Variants in UNC79 observed in about 807,000 individuals in gnomAD.
UNC79 encodes the protein unc-79 subunit of NALCN channel complex, also known as protein unc-79 homolog.
A neutral mutation model predicts 283.1 loss-of-function variants in UNC79; 37 were observed. That is an observed-to-expected ratio of 0.13 (90% CI 0.10 to 0.17). The LOEUF is 0.17. UNC79 is among the 10% of genes least tolerant of loss of function. The pLI is 1.00. For missense variants in UNC79, 2,272 were observed against 3,211.1 expected (o/e 0.71, Z 7.07); for synonymous variants, 1,107 against 1,200.2 (o/e 0.92, Z 1.61).
chr14:93,477,361 T>C (rs1279088008), intron 3 of UNC79, among the ~76,000 whole-genome samples, 197 bp from the exon 4 acceptor site: 3 of 152,242 alleles, frequency 2.0e-5, no homozygotes, highest in Non-Finnish European at 4.4e-5. Flanking sequence ...TCTTAACATA[T>C]TCATTCATCA....
At chr14:93,487,521 G>T (rs548517202) in intron 4 of UNC79, 142 bp from the exon 5 acceptor site, 6 of 595,064 alleles carry the variant, frequency 1.0e-5, no homozygotes, top group African/African-American at 5.6e-5. Context: ...ACATTTTGTG[G>T]TTTCATTTGT....
chr14:93,347,737 C>T (rs2053891053), intron 1 of UNC79, among the ~76,000 whole-genome samples: 1 of 152,084 alleles, frequency 6.6e-6, no homozygotes, highest in Non-Finnish European at 1.5e-5. Flanking sequence ...CTCGGACGTC[C>T]TCGGCACTGC....
intron 40 of UNC79, among the ~76,000 whole-genome samples, chr14:93,671,324 A>G (rs1174064580): frequency 6.6e-6 from 1 of 152,200 alleles, no homozygotes; most frequent in African/African-American, 2.4e-5. Context: ...AATAGTGGCC[A>G]CTTCAAAGAA....
Position 93,655,224 on chromosome 14 carries a change from G to T in UNC79, c.6283-10G>T. 6.2e-7 allele frequency: 1 copy of T among 1,613,140 alleles called. No homozygotes were observed. Among genetic ancestry groups the T allele is most frequent in the Non-Finnish European group, 8.5e-7 (1 of 1,179,472 alleles). On this transcript the variant is annotated splice_polypyrimidine_tract_variant and intron_variant, in intron 37 of 48. Transcript: ENST00000555664. ...TCAGCAGTTGATGGCCTATGCTTTT[G>T]TGTTTTTAGGGTCTAAATAACAAAA...
At chr14:93,347,186 G>A (rs1268757765) in intron 1 of UNC79, 1 of 1,466,664 alleles carries the variant, frequency 6.8e-7, no homozygotes, top group Non-Finnish European at 9.1e-7. Flanking sequence ...CAAACCAGCT[G>A]CCTCACGAGC....
At chr14:93,466,394 A>T (rs2057183926) in intron 1 of UNC79, among the ~76,000 whole-genome samples, 1 of 152,228 alleles carries the variant, frequency 6.6e-6, no homozygotes, top group Non-Finnish European at 1.5e-5. Context: ...TCAGAGTCAT[A>T]TTCTAGAGTG....
rs2296685 is a variant in UNC79, at chr14:93,634,726, G to T, written c.5717-2490G>T. 0.016 allele frequency: 19,037 copies of T among 1,227,860 alleles called. 1,635 individuals are homozygous for T. The East Asian group carries it at 0.26, about 17-fold the overall frequency. 76.1% of individuals were successfully genotyped at this position (1,227,860 alleles called of 1,614,324 possible). On this transcript the variant is annotated intron_variant, in intron 31 of 48. Coordinates refer to ENST00000555664, the Ensembl canonical transcript of UNC79. The stretch of plus-strand genomic sequence containing the variant: ...CACTCTGCTCCCTTGTTAAAGAATA[G>T]ATTTTCTCTCATGTTCTTTGGTTCA...
intron 22 of UNC79, among the ~76,000 whole-genome samples, chr14:93,587,246 A>G (rs1170266812): frequency 6.6e-6 from 1 of 152,180 alleles, no homozygotes; most frequent in African/African-American, 2.4e-5. Context: ...TTAAGTAAGG[A>G]CTTACCTACC....
intron 3 of UNC79, among the ~76,000 whole-genome samples, chr14:93,476,934 C>T (rs117980846): frequency 1.6e-4 from 25 of 152,320 alleles, no homozygotes; most frequent in Non-Finnish European, 2.8e-4. Context: ...ATTAAAACCT[C>T]CTAACAATCC....
At chr14:93,557,792 C>T (rs943269829) in intron 14 of UNC79, among the ~76,000 whole-genome samples, 2 of 152,188 alleles carry the variant, frequency 1.3e-5, no homozygotes, top group African/African-American at 4.8e-5. Flanking sequence ...ATGGGCAAAG[C>T]CTTAGCCACA....
At chr14:93,483,855 C>T (rs1029995784) in intron 4 of UNC79, among the ~76,000 whole-genome samples, 3 of 152,178 alleles carry the variant, frequency 2.0e-5, no homozygotes, top group Admixed American at 6.5e-5. Flanking sequence ...TATGTCCCTA[C>T]AAAGGGCATG....
In UNC79 at chr14:93,704,157, C is replaced by A. The variant is rs554891700; in HGVS notation, c.7549-468C>A. Among the ~76,000 whole-genome samples the A allele has an allele frequency of 4.6e-5, 7 of 152,342 alleles. 1 individual carries two copies. The highest frequency in any genetic ancestry group is 1.4e-4 in the African/African-American group (6 of 41,582). On this transcript the variant is annotated intron_variant, in intron 47 of 48. Coordinates refer to ENST00000555664, the Ensembl canonical transcript of UNC79. ...TCTCGCTGTATTACACCTTCCAGATCGCAGCCAGGCATCTTGGAGTGGTCT... is the reference window on the plus strand; with the variant it reads ...TCTCGCTGTATTACACCTTCCAGATAGCAGCCAGGCATCTTGGAGTGGTCT...
At chr14:93,683,176 A>G (rs2073974591) in intron 42 of UNC79, among the ~76,000 whole-genome samples, 1 of 152,038 alleles carries the variant, frequency 6.6e-6, no homozygotes, top group South Asian at 2.1e-4. Flanking sequence ...ACAAGGTTCT[A>G]TGAGACAAAA....
At chr14:93,511,328 C>T (rs1344232790) in intron 7 of UNC79, among the ~76,000 whole-genome samples, 1 of 152,168 alleles carries the variant, frequency 6.6e-6, no homozygotes, top group East Asian at 1.9e-4. Context: ...AATATTTCAC[C>T]ATTAAGCATG....
chr14:93,515,262 A>ATG (rs1461097021), intron 7 of UNC79, among the ~76,000 whole-genome samples: 1 of 46,368 alleles, frequency 2.2e-5, no homozygotes, highest in East Asian at 4.4e-4. Flanking sequence ...GTCCATATGT[A>ATG]TATGTGTGTG....
Position 93,566,691 on chromosome 14 carries a change from G to C in UNC79, c.1756-5203G>C, listed in dbSNP as rs183104702. ...TCTTGCTCTGTTGCCAGGCAGGAGTGCAGTGGCATGATCTCGGCTCACTGC... is the reference window on the plus strand; with the variant it reads ...TCTTGCTCTGTTGCCAGGCAGGAGTCCAGTGGCATGATCTCGGCTCACTGC... On this transcript the variant is annotated intron_variant, in intron 14 of 48. Transcript: ENST00000555664. Among the ~76,000 whole-genome samples the C allele has an allele frequency of 3.4e-3, 512 of 148,746 alleles. 3 individuals are homozygous for C. The highest frequency in any genetic ancestry group is 0.012 in the African/African-American group (487 of 40,328).
chr14:93,648,161 C>T (rs541234852), intron 35 of UNC79, among the ~76,000 whole-genome samples: 1 of 152,282 alleles, frequency 6.6e-6, no homozygotes, highest in South Asian at 2.1e-4. Context: ...TTAGTCAAGC[C>T]AGATGAATGA....
At chr14:93,437,357 A>T (rs2056123182) in intron 1 of UNC79, 1 of 152,150 alleles carries the variant, frequency 6.6e-6, no homozygotes, top group South Asian at 2.1e-4. Context: ...TTATTTCTTC[A>T]ATGTTCCTCA....
intron 7 of UNC79, among the ~76,000 whole-genome samples, chr14:93,514,583 A>T (rs561930353): frequency 2.4e-4 from 37 of 152,292 alleles, no homozygotes; most frequent in African/African-American, 8.9e-4. Flanking sequence ...ATGCCCTTCC[A>T]CTGATCTGTG....
Sources: gnomAD v4.1 joint callset for allele counts (sites outside exome capture counted in the v4.1 genomes callset) on GRCh38, gnomAD v4.1.1 for gene constraint, MANE v1.5 for transcripts, NCBI Gene and HGNC (gene_info 2026-07-23, HGNC 2026-07-21) for gene names.